Variants in S100A8 observed in about 807,000 individuals in gnomAD.
The protein encoded by S100A8 is S100 calcium binding protein A8, also known as protein S100-A8.
Under a neutral mutation model 4.2 loss-of-function variants are expected in S100A8, and 1 was observed. The ratio of observed to expected loss-of-function variants is 0.24; its 90% CI spans 0.08 to 1.12. The LOEUF (loss-of-function observed/expected upper bound fraction) is 1.12, where lower values mean the gene tolerates loss of function less well. S100A8 is among the 50% of genes most tolerant of loss of function. The pLI is 0.53. For missense variants in S100A8, 96 were observed against 111.8 expected, an observed-to-expected ratio of 0.86 and a Z score of 0.64; for synonymous variants, 41 against 44.7, an observed-to-expected ratio of 0.92 and a Z score of 0.33.
the S100A8 span, among the ~76,000 whole-genome samples, chr1:153,412,094 C>T: frequency 6.6e-6 from 1 of 152,202 alleles, no homozygotes. Flanking sequence ...ATGTCTAAAA[C>T]ACCAAAAGCA....
At chr1:153,395,156 A>C (rs1203574158), upstream of S100A8, among the ~76,000 whole-genome samples, 1 of 152,150 alleles carries the variant, frequency 6.6e-6, no homozygotes, top group East Asian at 1.9e-4. Flanking sequence ...GCCCTGGGTC[A>C]GGAGTAACCC....
chr1:153,397,546 A>C, the S100A8 span, among the ~76,000 whole-genome samples: 34 of 152,206 alleles, frequency 2.2e-4, no homozygotes, highest in African/African-American at 7.7e-4. Context: ...GTCAGGGGCC[A>C]GAGCACAGCA....
the S100A8 span, among the ~76,000 whole-genome samples, chr1:153,415,956 T>C: frequency 1.3e-5 from 2 of 152,364 alleles, no homozygotes; most frequent in South Asian, 4.1e-4. Context: ...GATGATTTGT[T>C]GTGTTTACTA....
At chr1:153,397,211 CA>C in the S100A8 span, among the ~76,000 whole-genome samples, 1 of 152,230 alleles carries the variant, frequency 6.6e-6, no homozygotes, top group African/African-American at 2.4e-5. Context: ...GGGAGCTCCC[CA>C]AGAGCAGAGT....
At chr1:153,410,533 C>T in the S100A8 span, among the ~76,000 whole-genome samples, 1 of 152,156 alleles carries the variant, frequency 6.6e-6, no homozygotes, top group African/African-American at 2.4e-5. Context: ...GAATTCACAA[C>T]CGAATTCTAC....
intron 1 of S100A8, 72 bp downstream of exon 1, chr1:153,390,969 G>A: frequency 1.0e-6 from 1 of 968,482 alleles, no homozygotes; most frequent in Non-Finnish European, 1.2e-6. Context: ...CTCTCAGGAA[G>A]GCTGCTCCAC....
upstream of S100A8, among the ~76,000 whole-genome samples, chr1:153,395,017 G>A (rs1444008422): frequency 1.3e-5 from 2 of 152,122 alleles, no homozygotes; most frequent in Non-Finnish European, 2.9e-5. Flanking sequence ...CTCCCTAAGG[G>A]ATTCTGCATT....
upstream of S100A8, among the ~76,000 whole-genome samples, chr1:153,394,435 A>G (rs1221750837): frequency 1.3e-5 from 2 of 152,192 alleles, no homozygotes; most frequent in Non-Finnish European, 1.5e-5. Context: ...AGGGGCCTGC[A>G]GGAAGGAGCA....
chr1:153,415,493 C>A, the S100A8 span, among the ~76,000 whole-genome samples: 1 of 152,126 alleles, frequency 6.6e-6, no homozygotes, highest in Non-Finnish European at 1.5e-5. Context: ...CCTCACCATG[C>A]CCCAGGGACT....
the S100A8 span, among the ~76,000 whole-genome samples, chr1:153,415,923 T>C: frequency 6.6e-6 from 1 of 152,216 alleles, no homozygotes; most frequent in East Asian, 1.9e-4. Flanking sequence ...AAGGATTTGA[T>C]TCAGGCTTTT....
chr1:153,398,892 GA>G, the S100A8 span, among the ~76,000 whole-genome samples: 1 of 152,172 alleles, frequency 6.6e-6, no homozygotes, highest in East Asian at 1.9e-4. Context: ...ATGTCTTTGG[GA>G]ACAAGCCCAA....
At chr1:153,419,403 C>T in the S100A8 span, 2 of 1,380,608 alleles carry the variant, frequency 1.4e-6, no homozygotes, top group Middle Eastern at 1.8e-4. Flanking sequence ...CTTTGGTGAC[C>T]TACATTGTCA....
At chr1:153,400,362 G>A in the S100A8 span, among the ~76,000 whole-genome samples, 1 of 152,080 alleles carries the variant, frequency 6.6e-6, no homozygotes, top group Non-Finnish European at 1.5e-5. Flanking sequence ...TGAGTGACAG[G>A]TGGGGTCCCC....
chr1:153,411,789 G>A, the S100A8 span, among the ~76,000 whole-genome samples: 21 of 152,312 alleles, frequency 1.4e-4, 1 homozygote, highest in African/African-American at 4.8e-4. Flanking sequence ...CAGAGGTATA[G>A]AGCAATGTAA....
At chr1:153,419,241 G>A in the S100A8 span, 1 of 1,614,152 alleles carries the variant, frequency 6.2e-7, no homozygotes. Context: ...GTCCTTGCTG[G>A]GAGACATAGC....
At chr1:153,414,939 C>T in the S100A8 span, among the ~76,000 whole-genome samples, 1 of 152,222 alleles carries the variant, frequency 6.6e-6, no homozygotes, top group Non-Finnish European at 1.5e-5. Flanking sequence ...CTGCTCTTCA[C>T]TGTCTCCAGT....
chr1:153,416,518 A>G, the S100A8 span: 3 of 481,512 alleles, frequency 6.2e-6, no homozygotes, highest in Non-Finnish European at 1.2e-5. Context: ...TTGTCCAAAC[A>G]CACACATCTC....
At chr1:153,411,066 G>C in the S100A8 span, among the ~76,000 whole-genome samples, 3 of 152,164 alleles carry the variant, frequency 2.0e-5, no homozygotes, top group African/African-American at 7.2e-5. Flanking sequence ...TTGAAAACTG[G>C]TGCAAGACAG....
the S100A8 span, chr1:153,418,092 A>G: frequency 6.2e-7 from 1 of 1,614,086 alleles, no homozygotes; most frequent in East Asian, 2.2e-5. Context: ...GATGAGCAAC[A>G]CTCAAGCTGA....
Sources: gnomAD v4.1 joint callset for allele counts (sites outside exome capture counted in the v4.1 genomes callset) on GRCh38, gnomAD v4.1.1 for gene constraint, MANE v1.5 for transcripts, NCBI Gene and HGNC (gene_info 2026-07-23, HGNC 2026-07-21) for gene names.